Variants in DLGAP2 observed in about 807,000 individuals in gnomAD.
DLGAP2 encodes DLG associated protein 2, also known as disks large-associated protein 2.
Under a neutral mutation model 100.3 loss-of-function variants are expected in DLGAP2, and 26 were observed. The observed-to-expected ratio is 0.26, with a 90% CI of 0.19 to 0.36. DLGAP2 has a LOEUF of 0.36. Among genes scored for constraint, DLGAP2 ranks in the 10% least tolerant of loss-of-function variants. The pLI is 1.00. For synonymous variants in DLGAP2, 886 were observed against 630.1 expected (o/e 1.41, Z -6.08); for missense variants, 1,858 against 1,453.2 (o/e 1.28, Z -4.53).
chr8:1,600,597 G>A (rs1479815516), intron 6 of DLGAP2, among the ~76,000 whole-genome samples: 2 of 151,970 alleles, frequency 1.3e-5, no homozygotes, highest in Non-Finnish European at 2.9e-5. Flanking sequence ...CTCCAATCTT[G>A]TCTTCACACT....
At chr8:1,031,040 C>T (rs1483215450) in intron 2 of DLGAP2, among the ~76,000 whole-genome samples, 4 of 152,198 alleles carry the variant, frequency 2.6e-5, no homozygotes, top group Admixed American at 2.0e-4. Flanking sequence ...CTGGTGGCTG[C>T]GGGTCTTCTG....
At chr8:1,464,858 A>G (rs1798578847) in intron 3 of DLGAP2, among the ~76,000 whole-genome samples, 3 of 152,242 alleles carry the variant, frequency 2.0e-5, no homozygotes, top group East Asian at 1.9e-4. Context: ...TTCCTATGCA[A>G]GAGTTTCAGA....
chr8:1,195,061 C>G (rs769308820), intron 2 of DLGAP2, among the ~76,000 whole-genome samples: 1 of 152,274 alleles, frequency 6.6e-6, no homozygotes, highest in African/African-American at 2.4e-5. Flanking sequence ...GCGTCCGCCC[C>G]AGCATGAGTG....
intron 1 of DLGAP2, among the ~76,000 whole-genome samples, chr8:818,440 C>G (rs895946351): frequency 6.6e-6 from 1 of 152,192 alleles, no homozygotes; most frequent in East Asian, 1.9e-4. Flanking sequence ...AACCACGAAC[C>G]TCCCCATTGA....
rs142152490 is a variant in DLGAP2, at chr8:1,214,134, G to T, written c.74-44717G>T. 2.6e-5 allele frequency among the ~76,000 whole-genome samples: 4 copies of T among 152,182 alleles called. No individual in the cohort carries two copies. In the East Asian group the frequency reaches 7.8e-4, roughly 29 times the overall value. On this transcript the variant is annotated intron_variant, in intron 2 of 14. Transcript: ENST00000637795. ...TTGCGTCTTACCACACTTTCTCCCAGCCCCCTTCCCTCCACACCTCATTCC... is the reference window on the plus strand; with the variant it reads ...TTGCGTCTTACCACACTTTCTCCCATCCCCCTTCCCTCCACACCTCATTCC...
chr8:1,200,160 T>A (rs1329133921), intron 2 of DLGAP2, among the ~76,000 whole-genome samples: 1 of 152,040 alleles, frequency 6.6e-6, no homozygotes, highest in Non-Finnish European at 1.5e-5. Context: ...AGAGGCTGGG[T>A]TTCCCTGGCC....
At chr8:1,553,617 A>T (rs962021569) in intron 5 of DLGAP2, among the ~76,000 whole-genome samples, 1 of 152,184 alleles carries the variant, frequency 6.6e-6, no homozygotes, top group Non-Finnish European at 1.5e-5. Flanking sequence ...AGCCCTGAGC[A>T]TTCCCTCCCT....
chr8:754,854 A>C (rs890207662), intron 1 of DLGAP2, among the ~76,000 whole-genome samples: 1 of 151,996 alleles, frequency 6.6e-6, no homozygotes, highest in South Asian at 2.1e-4. Context: ...AAGAAAGAAA[A>C]AAAGCAAGTA....
intron 2 of DLGAP2, among the ~76,000 whole-genome samples, chr8:1,142,188 G>T (rs990867608): frequency 3.3e-5 from 5 of 151,954 alleles, no homozygotes; most frequent in Non-Finnish European, 7.4e-5. Context: ...GTTCTGAGAG[G>T]TTGCTATACA....
In DLGAP2 at chr8:1,265,149, C is replaced by G. The variant is rs368837807; in HGVS notation, c.106+6266C>G. On this transcript the variant is annotated intron_variant, in intron 3 of 14. Transcript: ENST00000637795. ...GAAGATACAACAGGAGAATGAACAA[C>G]CAAAGCCCTAGAAGTAATAGACTTG... Among the ~76,000 whole-genome samples the G allele has an allele frequency of 1.2e-3, 177 of 152,200 alleles. 4 individuals carry two copies. The South Asian group carries it at 0.036, about 31-fold the overall frequency.
intron 5 of DLGAP2, among the ~76,000 whole-genome samples, chr8:1,553,994 G>C (rs897838134): frequency 6.6e-6 from 1 of 152,182 alleles, no homozygotes; most frequent in African/African-American, 2.4e-5. Context: ...GCATTTAAAA[G>C]GCTTGTCACA....
intron 3 of DLGAP2, among the ~76,000 whole-genome samples, chr8:1,333,279 T>C (rs1801199534): frequency 6.6e-6 from 1 of 152,092 alleles, no homozygotes; most frequent in Admixed American, 6.5e-5. Flanking sequence ...ATGCAGAGCA[T>C]GGCACCTCGA....
chr8:1,428,995 G>A (rs1267906991), intron 3 of DLGAP2, among the ~76,000 whole-genome samples: 1 of 152,196 alleles, frequency 6.6e-6, no homozygotes, highest in Admixed American at 6.5e-5. Flanking sequence ...TTAAAATTCT[G>A]TGGAGTTTAT....
intron 2 of DLGAP2, among the ~76,000 whole-genome samples, chr8:1,185,133 G>T (rs999671755): frequency 6.6e-6 from 1 of 152,144 alleles, no homozygotes; most frequent in Non-Finnish European, 1.5e-5. Flanking sequence ...TGGCACTGGT[G>T]GCGACGGCAT....
chr8:1,620,961 A>T (rs1297445145), intron 6 of DLGAP2, among the ~76,000 whole-genome samples: 1 of 152,164 alleles, frequency 6.6e-6, no homozygotes. Flanking sequence ...CTCTCCAGAC[A>T]AACAATGCTC....
chr8:972,640 T>A (rs62486449), intron 2 of DLGAP2, among the ~76,000 whole-genome samples: 194 of 152,188 alleles, frequency 1.3e-3, no homozygotes, highest in Admixed American at 2.0e-3. Context: ...TATTTATTTA[T>A]TTATCATTCT....
At chr8:1,481,226 G>A (rs1799083829) in intron 3 of DLGAP2, among the ~76,000 whole-genome samples, 1 of 151,364 alleles carries the variant, frequency 6.6e-6, no homozygotes, top group Non-Finnish European at 1.5e-5. Flanking sequence ...GGTTGAAGGA[G>A]GCATTTTTAA....
At chr8:1,258,915 G>A (rs914940873) in intron 3 of DLGAP2, 32 bp downstream of exon 3, 12 of 1,231,442 alleles carry the variant, frequency 9.7e-6, no homozygotes, top group East Asian at 9.5e-5. Flanking sequence ...TGGGGTGGGC[G>A]GGGGCCGCGC....
In DLGAP2 at chr8:1,254,866, C is replaced by T. The variant is rs920925037; in HGVS notation, c.74-3985C>T. On this transcript the variant is annotated intron_variant, in intron 2 of 14. Transcript: ENST00000637795. ...TCCGTGGGCCTCACTCCCTGGCCCT[C>T]TCATCCTGCCTCTCCTGCCCGCGTG... Among the ~76,000 whole-genome samples, 2 of 81,314 alleles carry T rather than the reference C, an allele frequency of 2.5e-5. 1 individual carries two copies. The highest frequency in any genetic ancestry group is 7.6e-4 in the South Asian group (2 of 2,636). The allele number at this position is 81,314 out of a possible 152,430, so 53.3% of individuals were successfully genotyped here.
Sources: allele counts gnomAD v4.1 joint callset (sites outside exome capture counted in the v4.1 genomes callset), GRCh38; gene constraint gnomAD v4.1.1; transcripts MANE v1.5; gene names NCBI Gene and HGNC (gene_info 2026-07-23, HGNC 2026-07-21).